RNF8: variants seen among roughly 807,000 people sequenced by gnomAD.
RNF8 encodes the protein ring finger protein 8, also known as E3 ubiquitin-protein ligase RNF8.
RNF8 carries 8 observed loss-of-function variants against 59.3 expected under a neutral mutation model. The observed-to-expected ratio is 0.13, with a 90% CI of 0.08 to 0.24. The LOEUF (loss-of-function observed/expected upper bound fraction) is 0.24, where lower values mean the gene tolerates loss of function less well. Among genes scored for constraint, RNF8 ranks in the 10% least tolerant of loss-of-function variants. The pLI is 1.00. For synonymous variants in RNF8, 162 were observed against 200.0 expected (o/e 0.81, Z 1.60); for missense variants, 406 against 572.6 (o/e 0.71, Z 2.97).
intron 4 of RNF8, among the ~76,000 whole-genome samples, chr6:37,371,944 A>G (rs1375135305): frequency 6.6e-6 from 1 of 152,208 alleles, no homozygotes; most frequent in African/African-American, 2.4e-5. Flanking sequence ...TGTTACCGCA[A>G]TGTTCCTGAG....
chr6:37,391,068 G>GTTT lies in RNF8; in HGVS notation c.*312_*313insTTT. The GTTT allele has an allele frequency of 1.9e-6, 1 of 540,132 alleles. No individual in the cohort carries two copies. The highest frequency in any genetic ancestry group is 3.3e-6 in the Non-Finnish European group (1 of 303,624). The allele number at this position is 540,132 out of a possible 1,614,324, so 33.5% of individuals were successfully genotyped here. A position where few individuals can be genotyped will look rare whatever the true frequency, so the allele number is the denominator to read the frequency against. The stretch of plus-strand genomic sequence containing the variant: ...TGTTTTTTTTTAATTTGTTGTTGTT[G>GTTT]TTACTGTTTTGATACCTCGGAAACA... On this transcript the variant is annotated 3_prime_UTR_variant, in exon 8 of 8. Coordinates refer to ENST00000373479, the MANE Select transcript of RNF8 (RefSeq NM_003958.4).
intron 6 of RNF8, among the ~76,000 whole-genome samples, chr6:37,377,767 G>A (rs1380501017): frequency 6.6e-6 from 1 of 152,146 alleles, no homozygotes; most frequent in South Asian, 2.1e-4. Context: ...CCTTTTAAAC[G>A]AGGGGGTAAA....
intron 7 of RNF8, among the ~76,000 whole-genome samples, chr6:37,390,421 G>T (rs550064480): frequency 1.3e-4 from 20 of 151,370 alleles, no homozygotes; most frequent in African/African-American, 4.9e-4. Context: ...GGGGGAGCAT[G>T]CTGGTATGTG....
chr6:37,385,731 T>A (rs1581698686), intron 7 of RNF8, among the ~76,000 whole-genome samples: 1 of 152,220 alleles, frequency 6.6e-6, no homozygotes, highest in African/African-American at 2.4e-5. Context: ...AGAAGCTTTT[T>A]AATTTCTCTA....
intron 2 of RNF8, among the ~76,000 whole-genome samples, chr6:37,364,552 TTGA>T (rs768222844): frequency 2.9e-4 from 44 of 152,318 alleles, no homozygotes; most frequent in Admixed American, 1.0e-3. Flanking sequence ...GAAATAAGAC[TTGA>T]TGATACCAAG....
At chr6:37,371,663 A>G (rs1244129520) in intron 4 of RNF8, 89 bp downstream of exon 4, 2 of 1,021,542 alleles carry the variant, frequency 2.0e-6, no homozygotes. Flanking sequence ...TCTGCTGCTT[A>G]GCCCATACCT....
At position 37,385,488 on chromosome 6, in the gene RNF8, G is replaced by A. The variant is rs186212230; in HGVS notation, c.1441+4134G>A. Reference sequence around the variant, plus strand: ...CTAAAAATACAAAAATTAGCCGGGCGTGGTGGTGCACACCTGTAATCCCAG... The same window carrying A: ...CTAAAAATACAAAAATTAGCCGGGCATGGTGGTGCACACCTGTAATCCCAG... On this transcript the variant is annotated intron_variant, in intron 7 of 7. Coordinates refer to ENST00000373479, the MANE Select transcript of RNF8 (RefSeq NM_003958.4). Among the ~76,000 whole-genome samples the A allele has an allele frequency of 2.3e-3, 351 of 151,792 alleles. 11 individuals carry two copies. The South Asian group carries it at 0.054, about 23-fold the overall frequency.
At chr6:37,389,270 T>C (rs765105715) in intron 7 of RNF8, among the ~76,000 whole-genome samples, 1 of 151,754 alleles carries the variant, frequency 6.6e-6, no homozygotes, top group East Asian at 1.9e-4. Context: ...AAATTGCCCA[T>C]TGAGTATGCA....
rs1770763897 is a variant in RNF8 at position 37,392,831 on chromosome 6, TTTA to T, written c.*2079_*2081del. The T allele has an allele frequency of 7.7e-6, 3 of 388,948 alleles. No individual in the cohort carries two copies. The highest frequency in any genetic ancestry group is 4.4e-5 in the Admixed American group (1 of 22,514). The allele number at this position is 388,948 out of a possible 1,614,324, so 24.1% of individuals were successfully genotyped here. A position where few individuals can be genotyped will look rare whatever the true frequency, so the allele number is the denominator to read the frequency against. On this transcript the variant is annotated 3_prime_UTR_variant, in exon 8 of 8. Transcript: ENST00000373479. ...AAAGAAATACCTTTTTAAAAATTAT[TTTA>T]TTATTTTTTAATAGAGACTATGTTG... is the stretch of plus-strand genomic sequence containing the variant.
At chr6:37,386,968 C>T (rs1770531801) in intron 7 of RNF8, among the ~76,000 whole-genome samples, 1 of 152,068 alleles carries the variant, frequency 6.6e-6, no homozygotes, top group Admixed American at 6.6e-5. Context: ...TTTTTCATAC[C>T]TACTTCCAGG....
At chr6:37,361,643 A>G (rs1769329412) in intron 2 of RNF8, 1 of 301,954 alleles carries the variant, frequency 3.3e-6, no homozygotes, top group South Asian at 2.7e-5. Context: ...TCACTGCCCC[A>G]GTTAGGATTT....
chr6:37,384,206 T>C (rs1770400548), intron 7 of RNF8, among the ~76,000 whole-genome samples: 1 of 150,044 alleles, frequency 6.7e-6, no homozygotes, highest in African/African-American at 2.5e-5. Flanking sequence ...AATGGCGCAA[T>C]TTTGGCTCAC....
intron 2 of RNF8, among the ~76,000 whole-genome samples, chr6:37,366,181 C>T (rs1212707914): frequency 2.0e-5 from 3 of 152,198 alleles, no homozygotes. Context: ...AAACTTCCTA[C>T]TCTCTTTAGC....
At chr6:37,380,897 GGTC>G (rs1770234408) in intron 6 of RNF8, among the ~76,000 whole-genome samples, 1 of 151,976 alleles carries the variant, frequency 6.6e-6, no homozygotes, top group Non-Finnish European at 1.5e-5. Flanking sequence ...TGCCCAGGCT[GGTC>G]TCAAACTCCT....
chr6:37,362,727 C>T (rs570791277), intron 2 of RNF8, among the ~76,000 whole-genome samples: 6 of 152,142 alleles, frequency 3.9e-5, no homozygotes, highest in Non-Finnish European at 7.4e-5. Flanking sequence ...AAGTCATTTG[C>T]CAAATCTTTT....
chr6:37,378,621 AAAG>A (rs1159012533), intron 6 of RNF8, among the ~76,000 whole-genome samples: 2 of 151,430 alleles, frequency 1.3e-5, no homozygotes, highest in Non-Finnish European at 1.5e-5. Context: ...AAAAAAAAAA[AAAG>A]AAAAACATAT....
chr6:37,366,394 T>C (rs195384), intron 2 of RNF8, among the ~76,000 whole-genome samples: 20,212 of 152,166 alleles, frequency 0.13, 3,996 homozygotes, highest in African/African-American at 0.43. Context: ...CATCCCTCTC[T>C]GTTGTTATTT....
chr6:37,374,551 C>A, intron 4 of RNF8, 69 bp from the exon 5 acceptor site: 1 of 1,144,680 alleles, frequency 8.7e-7, no homozygotes, highest in Non-Finnish European at 1.3e-6. Flanking sequence ...AGAGAACAGG[C>A]ATGTTTGTGG....
chr6:37,370,432 C>G (rs1769755904), intron 3 of RNF8, among the ~76,000 whole-genome samples: 1 of 152,174 alleles, frequency 6.6e-6, no homozygotes. Flanking sequence ...TGTTCAGGAA[C>G]AAGTTACTGT....
Sources: allele counts gnomAD v4.1 joint callset (sites outside exome capture counted in the v4.1 genomes callset), GRCh38; gene constraint gnomAD v4.1.1; transcripts MANE v1.5; gene names NCBI Gene and HGNC (gene_info 2026-07-23, HGNC 2026-07-21).